Variants in ASCC3 observed in about 807,000 individuals in gnomAD.
The protein encoded by ASCC3 is activating signal cointegrator 1 complex subunit 3.
Under a neutral mutation model 256.3 loss-of-function variants are expected in ASCC3, and 158 were observed. The observed-to-expected ratio is 0.62, with a 90% confidence interval of 0.54 to 0.70. ASCC3 has a LOEUF of 0.70. ASCC3 is among the 30% of genes least tolerant of loss of function. The probability of loss-of-function intolerance (pLI) is 0.00; values close to 1 mark genes in which losing one functional copy is unlikely to be tolerated. For synonymous variants in ASCC3, 948 were observed against 883.4 expected, an observed-to-expected ratio of 1.07 and a Z score of -1.30; for missense variants, 2,259 against 2,626.0, an observed-to-expected ratio of 0.86 and a Z score of 3.05.
intron 40 of ASCC3, among the ~76,000 whole-genome samples, chr6:100,510,796 T>C (rs1267171979): frequency 6.6e-6 from 1 of 152,322 alleles, no homozygotes; most frequent in East Asian, 1.9e-4. Context: ...TCAATTTTTA[T>C]AAAATGCAAG....
chr6:100,511,914 A>C (rs1773782934), intron 40 of ASCC3, among the ~76,000 whole-genome samples: 1 of 152,136 alleles, frequency 6.6e-6, no homozygotes, highest in African/African-American at 2.4e-5. Flanking sequence ...CTACAGCTTC[A>C]CCCCTGAGGG....
chr6:100,804,707 C>T (rs1233710200), intron 5 of ASCC3, among the ~76,000 whole-genome samples: 1 of 152,056 alleles, frequency 6.6e-6, no homozygotes, highest in Non-Finnish European at 1.5e-5. Context: ...TGAGATACCA[C>T]TTCACACCAG....
intron 1 of ASCC3, among the ~76,000 whole-genome samples, chr6:100,880,585 G>A (rs965202055): frequency 2.6e-5 from 4 of 151,766 alleles, no homozygotes; most frequent in African/African-American, 9.7e-5. Flanking sequence ...ATTTCAAAAT[G>A]ACATTATAGG....
chr6:100,614,901 C>A (rs896270450), intron 30 of ASCC3, among the ~76,000 whole-genome samples: 1 of 151,928 alleles, frequency 6.6e-6, no homozygotes, highest in Non-Finnish European at 1.5e-5. Flanking sequence ...AAATTATTTT[C>A]TTTTTTAAAC....
At chr6:100,677,791 GA>G (rs1353979591) in intron 14 of ASCC3, among the ~76,000 whole-genome samples, 3 of 151,300 alleles carry the variant, frequency 2.0e-5, no homozygotes, top group East Asian at 1.9e-4. Context: ...GTTGGATCAG[GA>G]AAAAAATCAA....
At chr6:100,755,807 G>A (rs1781150253) in intron 10 of ASCC3, among the ~76,000 whole-genome samples, 1 of 152,026 alleles carries the variant, frequency 6.6e-6, no homozygotes. Flanking sequence ...TTATCAAAAA[G>A]CTAACTACTG....
At chr6:100,754,534 G>A (rs1014073660) in intron 10 of ASCC3, among the ~76,000 whole-genome samples, 13 of 152,096 alleles carry the variant, frequency 8.5e-5, no homozygotes, top group Admixed American at 5.9e-4. Context: ...AAGTCAACCT[G>A]TTGTACTACC....
chr6:100,586,574 C>T lies in ASCC3; in HGVS notation c.5550+3060G>A, dbSNP rs145068305. Reference sequence around the variant, plus strand: ...GCCTCGCCCTGCTTTGGCTCACGCACGGTGTGCTGCACCCACTGACCTGCA... The same window carrying T: ...GCCTCGCCCTGCTTTGGCTCACGCATGGTGTGCTGCACCCACTGACCTGCA... On this transcript the variant is annotated intron_variant, in intron 36 of 41. Coordinates refer to ENST00000369162, the MANE Select transcript of ASCC3 (RefSeq NM_006828.4). 5.3e-3 allele frequency among the ~76,000 whole-genome samples: 810 copies of T among 152,258 alleles called. 6 individuals are homozygous for T. The highest frequency in any genetic ancestry group is 7.7e-3 in the Non-Finnish European group (522 of 68,032).
At chr6:100,759,943 G>T (rs1307787300) in intron 10 of ASCC3, among the ~76,000 whole-genome samples, 1 of 151,988 alleles carries the variant, frequency 6.6e-6, no homozygotes, top group African/African-American at 2.4e-5. Flanking sequence ...TCATGACTTG[G>T]CTTTCTGCTT....
intron 40 of ASCC3, among the ~76,000 whole-genome samples, chr6:100,510,865 T>C (rs1164631115): frequency 6.6e-6 from 1 of 152,202 alleles, no homozygotes; most frequent in Non-Finnish European, 1.5e-5. Context: ...GTAATAATGA[T>C]ACATTCTCAG....
In ASCC3 at chr6:100,606,265, T is replaced by A. The variant is rs1381171876; in HGVS notation, c.5044+475A>T. ...ATTGAGTGTATTTCCCTTTTTGAAC[T>A]CACTGAAAATGCTTTTATCATGTTT... On this transcript the variant is annotated intron_variant, in intron 32 of 41. Coordinates refer to ENST00000369162, the MANE Select transcript of ASCC3 (RefSeq NM_006828.4). Among the ~76,000 whole-genome samples, 3 of 152,078 alleles carry A rather than the reference T, an allele frequency of 2.0e-5. No homozygotes were observed. The East Asian group carries it at 5.8e-4, about 29-fold the overall frequency.
rs546274453 is a variant in ASCC3 at position 100,647,604 on chromosome 6, A to G, written c.3253-153T>C. 1.8e-4 allele frequency among the ~76,000 whole-genome samples: 28 copies of G among 152,302 alleles called. No individual in the cohort carries two copies. The South Asian group carries it at 1.9e-3, about 10-fold the overall frequency. On this transcript the variant is annotated intron_variant, in intron 20 of 41. Transcript: ENST00000369162. ...TATCTTTTCTCATATAATCCTAATT[A>G]TCTTATTATTTCTACATAAGAATAA...
chr6:100,720,752 C>T (rs759465077), intron 11 of ASCC3, among the ~76,000 whole-genome samples: 14 of 150,532 alleles, frequency 9.3e-5, no homozygotes, highest in African/African-American at 2.7e-4. Flanking sequence ...TAGTACAAAA[C>T]GATATAATTA....
At chr6:100,759,438 G>A (rs1781332062) in intron 10 of ASCC3, among the ~76,000 whole-genome samples, 1 of 152,142 alleles carries the variant, frequency 6.6e-6, no homozygotes, top group Non-Finnish European at 1.5e-5. Flanking sequence ...AAGGGGTCCA[G>A]TTTGAGTTTT....
chr6:100,546,116 C>T (rs990959025), intron 36 of ASCC3, among the ~76,000 whole-genome samples: 3 of 151,762 alleles, frequency 2.0e-5, no homozygotes, highest in African/African-American at 7.3e-5. Flanking sequence ...TATTTGGAAC[C>T]AACAATCAGA....
At chr6:100,637,502 G>C (rs529116902) in intron 25 of ASCC3, among the ~76,000 whole-genome samples, 7 of 152,158 alleles carry the variant, frequency 4.6e-5, no homozygotes, top group African/African-American at 1.7e-4. Flanking sequence ...GGGATATAGG[G>C]GTAATTTTGG....
intron 37 of ASCC3, chr6:100,531,103 G>T: frequency 1.2e-5 from 14 of 1,151,978 alleles, no homozygotes; most frequent in Non-Finnish European, 1.8e-5. Flanking sequence ...AAATACAACA[G>T]AAAATTGCAC....
intron 25 of ASCC3, 75 bp downstream of exon 25, chr6:100,638,526 T>C: frequency 8.0e-7 from 1 of 1,246,212 alleles, no homozygotes; most frequent in Non-Finnish European, 1.1e-6. Context: ...CCTGCCAATA[T>C]ATTTAGAACT....
At chr6:100,819,380 G>A (rs538229975) in intron 4 of ASCC3, among the ~76,000 whole-genome samples, 2 of 152,284 alleles carry the variant, frequency 1.3e-5, no homozygotes, top group Non-Finnish European at 2.9e-5. Context: ...TAGAGGAACA[G>A]GACTAATAGG....
Sources: gnomAD v4.1 joint callset for allele counts (sites outside exome capture counted in the v4.1 genomes callset) on GRCh38, gnomAD v4.1.1 for gene constraint, MANE v1.5 for transcripts, NCBI Gene and HGNC (gene_info 2026-07-23, HGNC 2026-07-21) for gene names.